The following RYR3 variants were observed in gnomAD, a reference collection of about 807,000 sequenced individuals.
RYR3 encodes ryanodine receptor 3.
A neutral mutation model predicts 584.3 loss-of-function variants in RYR3; 207 were observed. The ratio of observed to expected loss-of-function variants is 0.35; its 90% CI spans 0.32 to 0.40. The LOEUF (loss-of-function observed/expected upper bound fraction) is 0.40, where lower values mean the gene tolerates loss of function less well. Ranked by LOEUF, RYR3 falls within the 10% of genes least tolerant of loss-of-function variation. RYR3 has a pLI of 1.00. For missense variants in RYR3, 5,616 were observed against 6,089.2 expected, an observed-to-expected ratio of 0.92 and a Z score of 2.59; for synonymous variants, 2,416 against 2,248.5, an observed-to-expected ratio of 1.07 and a Z score of -2.11.
chr15:33,397,260 T>C (rs1197260914), intron 1 of RYR3, among the ~76,000 whole-genome samples: 2 of 152,180 alleles, frequency 1.3e-5, no homozygotes, highest in Non-Finnish European at 2.9e-5. Context: ...GCTGAACAGG[T>C]TGGCTAAATG....
intron 10 of RYR3, among the ~76,000 whole-genome samples, chr15:33,558,285 C>T (rs1168823342): frequency 6.6e-6 from 1 of 151,188 alleles, no homozygotes; most frequent in Non-Finnish European, 1.5e-5. Flanking sequence ...TGTGATGTTC[C>T]CCTTCCTGTG....
intron 36 of RYR3, among the ~76,000 whole-genome samples, chr15:33,666,851 C>T (rs1200229404): frequency 6.6e-6 from 1 of 152,218 alleles, no homozygotes; most frequent in African/African-American, 2.4e-5. Context: ...CAGCTCAACC[C>T]AGCTTTCTGT....
rs10645234 is a variant in RYR3 at position 33,725,966 on chromosome 15, T to TC, written c.6913-410dup. Among the ~76,000 whole-genome samples the TC allele has an allele frequency of 3.2e-3, 51 of 15,744 alleles. 5 individuals carry two copies. The highest frequency in any genetic ancestry group is 6.3e-3 in the African/African-American group (36 of 5,742). 10.3% of individuals were successfully genotyped at this position (15,744 alleles called of 152,430 possible). A position where few individuals can be genotyped will look rare whatever the true frequency, so the allele number is the denominator to read the frequency against. On this transcript the variant is annotated intron_variant, in intron 45 of 103. Coordinates refer to ENST00000634891, the MANE Select transcript of RYR3 (RefSeq NM_001036.6). ...GCCTGGGTGACAGAGCAAGACTCCATCCCCCCCCCCAAAAAAAAAAAAAAA... is the reference window on the plus strand; with the variant it reads ...GCCTGGGTGACAGAGCAAGACTCCATCCCCCCCCCCCAAAAAAAAAAAAAAA...
chr15:33,586,385 C>G (rs1382364638), intron 16 of RYR3, among the ~76,000 whole-genome samples: 1 of 152,170 alleles, frequency 6.6e-6, no homozygotes, highest in Non-Finnish European at 1.5e-5. Flanking sequence ...GTGGGACACT[C>G]AGTAGGCCCT....
chr15:33,432,652 G>A (rs866958254), intron 1 of RYR3, among the ~76,000 whole-genome samples: 1 of 122,060 alleles, frequency 8.2e-6, no homozygotes, highest in Non-Finnish European at 1.7e-5. Flanking sequence ...AGGTGCCCAC[G>A]ACCACGCCTA....
chr15:33,640,224 G>A lies in RYR3; in HGVS notation c.3556+3674G>A, dbSNP rs145647857. Among the ~76,000 whole-genome samples, 492 of 152,324 alleles carry A rather than the reference G, an allele frequency of 3.2e-3. 1 individual carries two copies. Among genetic ancestry groups the A allele is most frequent in the African/African-American group, 0.011 (470 of 41,582 alleles). On this transcript the variant is annotated intron_variant, in intron 27 of 103. Coordinates refer to ENST00000634891, the MANE Select transcript of RYR3 (RefSeq NM_001036.6). ...GTCACTGCCATCTGCAGGCACACACGCTGGTACCCAGGGTCCCCTGTCATT... is the reference window on the plus strand; with the variant it reads ...GTCACTGCCATCTGCAGGCACACACACTGGTACCCAGGGTCCCCTGTCATT...
chr15:33,781,782 C>A (rs2074393430), intron 65 of RYR3, among the ~76,000 whole-genome samples: 1 of 145,870 alleles, frequency 6.9e-6, no homozygotes, highest in Admixed American at 6.8e-5. Context: ...CGTATGAAAT[C>A]TATAAGTTAA....
chr15:33,520,314 G>A (rs1750348999), intron 3 of RYR3, among the ~76,000 whole-genome samples: 1 of 152,156 alleles, frequency 6.6e-6, no homozygotes, highest in Admixed American at 6.5e-5. Flanking sequence ...TCACGTCAAG[G>A]TAATCGGACT....
At chr15:33,768,030 C>CA (rs1218968428) in intron 60 of RYR3, among the ~76,000 whole-genome samples, 1 of 152,188 alleles carries the variant, frequency 6.6e-6, no homozygotes, top group Non-Finnish European at 1.5e-5. Flanking sequence ...AGTCAAAAAA[C>CA]ACAAAAATAT....
chr15:33,639,208 G>C (rs1392426644), intron 27 of RYR3, among the ~76,000 whole-genome samples: 1 of 152,158 alleles, frequency 6.6e-6, no homozygotes, highest in Admixed American at 6.5e-5. Context: ...ACAGGGATGT[G>C]ATTTGACCTT....
chr15:33,374,970 G>A (rs530536020), intron 1 of RYR3, among the ~76,000 whole-genome samples: 1 of 152,242 alleles, frequency 6.6e-6, no homozygotes, highest in East Asian at 1.9e-4. Context: ...TATAATCACT[G>A]CATTATTAAT....
At position 33,412,502 on chromosome 15, in the gene RYR3, G is replaced by T. The variant is rs1222977594; in HGVS notation, c.52-60917G>T. 1.3e-5 allele frequency among the ~76,000 whole-genome samples: 2 copies of T among 152,122 alleles called. No individual in the cohort carries two copies. Among genetic ancestry groups the T allele is most frequent in the Non-Finnish European group, 2.9e-5 (2 of 68,032 alleles). On this transcript the variant is annotated intron_variant, in intron 1 of 103. Transcript: ENST00000634891. This position sits in a 1 kb window ranked among gnomAD's most constrained non-coding sequence, Gnocchi z 4.3. ...GTAGGATCACTTTGAAGCCACCCTG[G>T]CCACGTGCATTGGCAGAAGTCTCCC...
chr15:33,527,958 C>T (rs972710852), intron 3 of RYR3, among the ~76,000 whole-genome samples: 2 of 151,832 alleles, frequency 1.3e-5, no homozygotes, highest in East Asian at 1.9e-4. Flanking sequence ...GAGGTGGCAC[C>T]GAAAGATGCT....
At chr15:33,508,119 C>G (rs1203226378) in intron 3 of RYR3, among the ~76,000 whole-genome samples, 1 of 152,058 alleles carries the variant, frequency 6.6e-6, no homozygotes, top group South Asian at 2.1e-4. Flanking sequence ...GCACTCCTGC[C>G]GATAAGGGCT....
At chr15:33,356,736 C>G (rs1974032679) in intron 1 of RYR3, among the ~76,000 whole-genome samples, 1 of 152,132 alleles carries the variant, frequency 6.6e-6, no homozygotes, top group African/African-American at 2.4e-5. Flanking sequence ...GTTCCCTCAT[C>G]TGTAGATTTT....
chr15:33,741,262 G>A (rs982237581), intron 51 of RYR3, among the ~76,000 whole-genome samples: 3 of 152,180 alleles, frequency 2.0e-5, no homozygotes, highest in African/African-American at 7.2e-5. Flanking sequence ...AAGACCTAGT[G>A]AAAGGCCAAC....
intron 103 of RYR3, 122 bp from the exon 104 acceptor site, chr15:33,865,009 G>A (rs1394746082): frequency 1.5e-6 from 1 of 675,794 alleles, no homozygotes; most frequent in Non-Finnish European, 2.6e-6. Context: ...TGAATGTGCA[G>A]GTTTGGCCTC....
intron 1 of RYR3, among the ~76,000 whole-genome samples, chr15:33,322,268 T>G (rs2140538737): frequency 6.6e-6 from 1 of 152,316 alleles, no homozygotes; most frequent in Non-Finnish European, 1.5e-5. Context: ...TGGCATCTGC[T>G]CGGCTTCTGG....
chr15:33,419,748 C>T (rs1396149497), intron 1 of RYR3, among the ~76,000 whole-genome samples: 1 of 152,014 alleles, frequency 6.6e-6, no homozygotes, highest in Non-Finnish European at 1.5e-5. Context: ...TAGTATGGTA[C>T]CAACTTGAAT....
Sources: gnomAD v4.1 joint callset for allele counts (sites outside exome capture counted in the v4.1 genomes callset) on GRCh38, gnomAD v4.1.1 for gene constraint, Gnocchi (gnomAD v3.1) non-coding constraint, MANE v1.5 for transcripts, NCBI Gene and HGNC (gene_info 2026-07-23, HGNC 2026-07-21) for gene names.